NEGR1: variants seen among roughly 807,000 people sequenced by gnomAD.
The protein encoded by NEGR1 is IgLON family member 4.
A neutral mutation model predicts 40.9 loss-of-function variants in NEGR1; 10 were observed. The observed-to-expected ratio is 0.24, with a 90% CI of 0.15 to 0.42. NEGR1 has a LOEUF of 0.42. NEGR1 is among the 10% of genes least tolerant of loss of function. The pLI is 1.00. For synonymous variants in NEGR1, 185 were observed against 166.8 expected (o/e 1.11, Z -0.84); for missense variants, 352 against 438.9 (o/e 0.80, Z 1.77).
intron 1 of NEGR1, among the ~76,000 whole-genome samples, chr1:72,075,747 T>C (rs1053456170): frequency 3.3e-5 from 5 of 152,192 alleles, no homozygotes; most frequent in African/African-American, 1.2e-4. Context: ...AAAGTGGAAA[T>C]GTGCCTGGGT....
Position 71,426,815 on chromosome 1 carries a change from T to TA in NEGR1, c.941-19246dup, listed in dbSNP as rs989763718. 4.0e-5 allele frequency among the ~76,000 whole-genome samples: 6 copies of TA among 151,454 alleles called. No individual in the cohort carries two copies. In the South Asian group the frequency reaches 6.2e-4, roughly 16 times the overall value. On this transcript the variant is annotated intron_variant, in intron 6 of 6. Coordinates refer to ENST00000357731, the MANE Select transcript of NEGR1 (RefSeq NM_173808.3). ...AACAAATCAACAATTATGTGAGATT[T>TA]AAAAAAAAATACAAAACATCACCTT...
At chr1:72,231,143 T>C (rs944215420) in intron 1 of NEGR1, among the ~76,000 whole-genome samples, 2 of 152,144 alleles carry the variant, frequency 1.3e-5, no homozygotes, top group Non-Finnish European at 2.9e-5. Flanking sequence ...AAGTGATAGA[T>C]TGTCACTGTA....
chr1:72,103,276 A>T (rs1225440343), intron 1 of NEGR1, among the ~76,000 whole-genome samples: 1 of 152,068 alleles, frequency 6.6e-6, no homozygotes, highest in Non-Finnish European at 1.5e-5. Flanking sequence ...AAGACTGTTA[A>T]TGAAGAACAT....
At chr1:72,022,301 A>G (rs1447302134) in intron 1 of NEGR1, among the ~76,000 whole-genome samples, 2 of 137,702 alleles carry the variant, frequency 1.5e-5, no homozygotes, top group Non-Finnish European at 3.1e-5. Flanking sequence ...ATATATATAT[A>G]CACGAATATC....
intron 4 of NEGR1, among the ~76,000 whole-genome samples, chr1:71,648,730 T>C (rs1404444628): frequency 6.6e-6 from 1 of 152,044 alleles, no homozygotes; most frequent in East Asian, 1.9e-4. Flanking sequence ...TCTTGTTCCT[T>C]TAGTTTGCTT....
chr1:71,693,178 C>A (rs1653352350), intron 4 of NEGR1, among the ~76,000 whole-genome samples: 2 of 151,474 alleles, frequency 1.3e-5, no homozygotes, highest in Non-Finnish European at 3.0e-5. Flanking sequence ...AAACAGTATG[C>A]AAATTTCAGG....
chr1:72,090,301 G>T (rs1648421538), intron 1 of NEGR1, among the ~76,000 whole-genome samples: 1 of 148,864 alleles, frequency 6.7e-6, no homozygotes, highest in African/African-American at 2.5e-5. Flanking sequence ...GGGCCAGGGA[G>T]GATCAAAACA....
At chr1:71,563,731 T>A (rs1490289939) in intron 6 of NEGR1, among the ~76,000 whole-genome samples, 1 of 151,960 alleles carries the variant, frequency 6.6e-6, no homozygotes. Flanking sequence ...ATCTTGCCTT[T>A]CTAGTGTAAA....
chr1:72,077,175 T>A (rs1023398391), intron 1 of NEGR1, among the ~76,000 whole-genome samples: 2 of 152,056 alleles, frequency 1.3e-5, no homozygotes. Context: ...ATTACAGACA[T>A]GAGCCACCGT....
rs1475341609 is a variant in NEGR1 at position 71,688,325 on chromosome 1, T to TATATATATAGATAG, written c.667+9682_667+9683insCTATCTATATATAT. ...TTCCCTTTTCATATATATATATATA[T>TATATATATAGATAG]ATAGATAGATAGATAGATAGATAGA... On this transcript the variant is annotated intron_variant, in intron 4 of 6. Coordinates refer to ENST00000357731, the MANE Select transcript of NEGR1 (RefSeq NM_173808.3). Among the ~76,000 whole-genome samples the TATATATATAGATAG allele has an allele frequency of 2.0e-3, 202 of 103,200 alleles. 9 individuals are homozygous for TATATATATAGATAG. The highest frequency in any genetic ancestry group is 8.7e-3 in the South Asian group (27 of 3,114). 67.7% of individuals were successfully genotyped at this position (103,200 alleles called of 152,430 possible).
chr1:71,633,120 A>G (rs1651031281), intron 4 of NEGR1, among the ~76,000 whole-genome samples: 1 of 152,028 alleles, frequency 6.6e-6, no homozygotes, highest in Non-Finnish European at 1.5e-5. Context: ...GTTTGTGCTA[A>G]TTTAATATGT....
At chr1:72,024,278 A>G (rs1278914370) in intron 1 of NEGR1, among the ~76,000 whole-genome samples, 4 of 152,080 alleles carry the variant, frequency 2.6e-5, no homozygotes, top group Non-Finnish European at 5.9e-5. Flanking sequence ...TTAAAATTGA[A>G]AAGTCTATAA....
At chr1:71,453,993 G>A (rs1252753877) in intron 6 of NEGR1, among the ~76,000 whole-genome samples, 1 of 152,170 alleles carries the variant, frequency 6.6e-6, no homozygotes, top group Non-Finnish European at 1.5e-5. Context: ...ACAAACACTG[G>A]TGTCTAACTG....
Position 71,403,239 on chromosome 1 carries a change from G to A in NEGR1, c.*4207C>T, listed in dbSNP as rs776380309. The A allele has an allele frequency of 2.0e-5, 3 of 151,988 alleles. No homozygotes were observed. Among genetic ancestry groups the A allele is most frequent in the East Asian group, 1.9e-4 (1 of 5,198 alleles). The allele number at this position is 151,988 out of a possible 1,614,324, so 9.4% of individuals were successfully genotyped here. A position where few individuals can be genotyped will look rare whatever the true frequency, so the allele number is the denominator to read the frequency against. On this transcript the variant is annotated 3_prime_UTR_variant, in exon 7 of 7. Transcript: ENST00000357731. ...AACTAAAGGTTCTCAGCCAAATAACGTGTTTTGCTTGGAAACCAAGGTATT... is the reference window on the plus strand; with the variant it reads ...AACTAAAGGTTCTCAGCCAAATAACATGTTTTGCTTGGAAACCAAGGTATT...
rs146019246 is a variant in NEGR1 at position 72,212,307 on chromosome 1, G to A, written c.176+70012C>T. 8.8e-3 allele frequency among the ~76,000 whole-genome samples: 1,344 copies of A among 151,998 alleles called. 21 individuals carry two copies. Among genetic ancestry groups the A allele is most frequent in the African/African-American group, 0.031 (1,279 of 41,504 alleles). ...AAAAGGTCATATTCTCCTTTGTCATGTTATGCTTTGTAATCATTTTTTCTG... is the reference window on the plus strand; with the variant it reads ...AAAAGGTCATATTCTCCTTTGTCATATTATGCTTTGTAATCATTTTTTCTG... On this transcript the variant is annotated intron_variant, in intron 1 of 6. Coordinates refer to ENST00000357731, the MANE Select transcript of NEGR1 (RefSeq NM_173808.3).
intron 1 of NEGR1, among the ~76,000 whole-genome samples, chr1:72,103,116 A>G (rs558623592): frequency 6.6e-6 from 1 of 152,154 alleles, no homozygotes; most frequent in Admixed American, 6.6e-5. Flanking sequence ...ATAAGTATAC[A>G]ACATCATACC....
chr1:71,732,674 T>C (rs539747951), intron 3 of NEGR1, among the ~76,000 whole-genome samples: 4 of 152,178 alleles, frequency 2.6e-5, no homozygotes, highest in Non-Finnish European at 5.9e-5. Context: ...TTCCAAAGAT[T>C]TGTCCATTTT....
At chr1:72,254,912 A>G (rs907192838) in intron 1 of NEGR1, among the ~76,000 whole-genome samples, 21 of 151,954 alleles carry the variant, frequency 1.4e-4, no homozygotes, top group African/African-American at 4.6e-4. Flanking sequence ...ATTTCTTTAT[A>G]TACCCCCTTA....
intron 6 of NEGR1, among the ~76,000 whole-genome samples, chr1:71,586,941 A>G (rs1159719286): frequency 4.6e-5 from 7 of 152,110 alleles, no homozygotes; most frequent in African/African-American, 9.7e-5. Flanking sequence ...GCACCAAGGA[A>G]AGCCTTCTCA....
Sources: gnomAD v4.1 joint callset for allele counts (sites outside exome capture counted in the v4.1 genomes callset) on GRCh38, gnomAD v4.1.1 for gene constraint, MANE v1.5 for transcripts, NCBI Gene and HGNC (gene_info 2026-07-23, HGNC 2026-07-21) for gene names.